ZNF618: variants seen among roughly 807,000 people sequenced by gnomAD.
The protein encoded by ZNF618 is neural precursor cell expressed, developmentally down-regulated 10.
Under a neutral mutation model 103.0 loss-of-function variants are expected in ZNF618, and 34 were observed. The observed-to-expected ratio is 0.33, with a 90% CI of 0.25 to 0.44. The LOEUF is 0.44. ZNF618 is among the 20% of genes least tolerant of loss of function. The probability of loss-of-function intolerance (pLI) is 1.00; values close to 1 mark genes in which losing one functional copy is unlikely to be tolerated. For missense variants in ZNF618, 1,059 were observed against 1,295.4 expected, an observed-to-expected ratio of 0.82 and a Z score of 2.80; for synonymous variants, 551 against 542.2, an observed-to-expected ratio of 1.02 and a Z score of -0.23.
intron 13 of ZNF618, among the ~76,000 whole-genome samples, chr9:114,041,559 T>C (rs900523041): frequency 7.9e-5 from 12 of 152,244 alleles, no homozygotes; most frequent in Admixed American, 5.9e-4. Context: ...CTAGCCAGTT[T>C]TCCCAGCACC....
intron 1 of ZNF618, among the ~76,000 whole-genome samples, chr9:113,885,638 G>A (rs1006873106): frequency 6.6e-6 from 1 of 152,188 alleles, no homozygotes; most frequent in Non-Finnish European, 1.5e-5. Context: ...GCCCTGGAAG[G>A]CCTTGGGGTC....
rs958500994 is a variant in ZNF618 at position 113,948,411 on chromosome 9, C to T, written c.34-20706C>T. Among the ~76,000 whole-genome samples, 12 of 152,344 alleles carry T rather than the reference C, an allele frequency of 7.9e-5. No individual in the cohort carries two copies. The East Asian group carries it at 2.3e-3, about 29-fold the overall frequency. ...TCTTCTCTGGAAATCCAGATCCTCA[C>T]ACTTTTCTGTGGAATATATCAGGGC... On this transcript the variant is annotated intron_variant, in intron 1 of 14. Coordinates refer to ENST00000374126, the MANE Select transcript of ZNF618 (RefSeq NM_001318042.2).
chr9:113,888,403 G>A (rs921635726), intron 1 of ZNF618, among the ~76,000 whole-genome samples: 11 of 152,362 alleles, frequency 7.2e-5, no homozygotes, highest in South Asian at 2.1e-4. Flanking sequence ...GCAGACCAGC[G>A]GGTTTTGTGT....
chr9:113,998,509 A>G (rs1020929490), intron 4 of ZNF618, among the ~76,000 whole-genome samples, 155 bp downstream of exon 4: 2 of 152,186 alleles, frequency 1.3e-5, no homozygotes, highest in Admixed American at 1.3e-4. Flanking sequence ...TCCTGGCTAC[A>G]TGTGAGCAAA....
intron 2 of ZNF618, among the ~76,000 whole-genome samples, chr9:113,985,282 C>T (rs1588237393): frequency 6.6e-6 from 1 of 152,212 alleles, no homozygotes; most frequent in Non-Finnish European, 1.5e-5. Flanking sequence ...TGGCCCATTT[C>T]ACTCCAGCCA....
At chr9:113,893,991 A>C (rs182782845) in intron 1 of ZNF618, among the ~76,000 whole-genome samples, 53 of 152,330 alleles carry the variant, frequency 3.5e-4, no homozygotes, top group Non-Finnish European at 1.3e-4. Flanking sequence ...GTTTATGTTC[A>C]ATGAGGAGAA....
At chr9:113,995,278 C>G (rs1435468709) in intron 3 of ZNF618, among the ~76,000 whole-genome samples, 1 of 145,402 alleles carries the variant, frequency 6.9e-6, no homozygotes, top group Non-Finnish European at 1.5e-5. Context: ...TCATAAAGCT[C>G]TACATTCTCC....
rs774866704 is a variant in ZNF618 at position 114,049,396 on chromosome 9, G to A, written c.2094G>A (p.Thr698=). The change falls in exon 15 of 15, where the codon ACG becomes ACA. Residue 698 remains threonine (T), a synonymous_variant. Transcript: ENST00000374126. ...CACCACCCTGCTGGAACTCGGTGAC[G>A]GACTCACTGTTGCTGGTGCATGAGC... ...TSPPPCWNSV[T]DSLLLVHERY... The A allele has an allele frequency of 1.1e-4, 173 of 1,603,520 alleles. 1 individual carries two copies. The highest frequency in any genetic ancestry group is 8.3e-4 in the East Asian group (37 of 44,316).
At chr9:113,929,498 C>T (rs899757684) in intron 1 of ZNF618, among the ~76,000 whole-genome samples, 3 of 152,168 alleles carry the variant, frequency 2.0e-5, no homozygotes, top group Non-Finnish European at 4.4e-5. Context: ...AAGTCCTCAC[C>T]TGGTAGGTGT....
At chr9:113,983,421 T>G (rs2133180771) in intron 2 of ZNF618, among the ~76,000 whole-genome samples, 1 of 152,302 alleles carries the variant, frequency 6.6e-6, no homozygotes, top group South Asian at 2.1e-4. Flanking sequence ...AAGTTGCCCA[T>G]GCCTTTGTCG....
At chr9:113,999,860 C>G (rs1301240112) in intron 4 of ZNF618, among the ~76,000 whole-genome samples, 1 of 152,142 alleles carries the variant, frequency 6.6e-6, no homozygotes, top group Non-Finnish European at 1.5e-5. Flanking sequence ...TGCAGGCACT[C>G]GTAAATTCTT....
At chr9:113,963,201 G>A (rs10817542) in intron 1 of ZNF618, among the ~76,000 whole-genome samples, 27,084 of 152,192 alleles carry the variant, frequency 0.18, 3,056 homozygotes, top group South Asian at 0.32. Context: ...TCTTGCAAGC[G>A]CAGTGCCCCC....
chr9:113,956,790 C>A (rs1836345169), intron 1 of ZNF618, among the ~76,000 whole-genome samples: 1 of 152,096 alleles, frequency 6.6e-6, no homozygotes, highest in African/African-American at 2.4e-5. Flanking sequence ...TTAAGACTTG[C>A]CCAAATTTTA....
At chr9:113,935,826 G>A (rs1256302370) in intron 1 of ZNF618, among the ~76,000 whole-genome samples, 1 of 152,182 alleles carries the variant, frequency 6.6e-6, no homozygotes, top group Non-Finnish European at 1.5e-5. Flanking sequence ...TCACATGCCT[G>A]CTTACTTGCT....
At chr9:113,903,381 T>C (rs1296300144) in intron 1 of ZNF618, among the ~76,000 whole-genome samples, 2 of 152,210 alleles carry the variant, frequency 1.3e-5, no homozygotes, top group Non-Finnish European at 2.9e-5. Flanking sequence ...CAGATACAAC[T>C]GGGAGCCATT....
At chr9:114,037,575 C>T (rs1024520148) in intron 13 of ZNF618, among the ~76,000 whole-genome samples, 7 of 152,152 alleles carry the variant, frequency 4.6e-5, no homozygotes, top group African/African-American at 7.2e-5. Context: ...ATGGGTGAGA[C>T]GTGCCTGACA....
In ZNF618 at chr9:114,013,491, C is replaced by T. The variant is rs188282306; in HGVS notation, c.755-3204C>T. 9.5e-3 allele frequency among the ~76,000 whole-genome samples: 1,442 copies of T among 152,224 alleles called. 14 individuals are homozygous for T. Among genetic ancestry groups the T allele is most frequent in the Non-Finnish European group, 0.015 (1,044 of 68,010 alleles). Reference sequence around the variant, plus strand: ...TGTCGCCCAGGCTGGAGTGCAGTGGCGCAGTCTCGGCTCACTGCAAGCTCC... The same window carrying T: ...TGTCGCCCAGGCTGGAGTGCAGTGGTGCAGTCTCGGCTCACTGCAAGCTCC... On this transcript the variant is annotated intron_variant, in intron 9 of 14. Transcript: ENST00000374126.
intron 1 of ZNF618, among the ~76,000 whole-genome samples, chr9:113,923,501 A>G (rs1224915735): frequency 6.6e-6 from 1 of 152,056 alleles, no homozygotes; most frequent in African/African-American, 2.4e-5. Flanking sequence ...TTTATTATGA[A>G]TGAGTGTCAA....
chr9:113,974,791 T>C (rs866011468), intron 2 of ZNF618, among the ~76,000 whole-genome samples: 29 of 152,236 alleles, frequency 1.9e-4, no homozygotes, highest in Middle Eastern at 3.4e-3. Context: ...TCTCCAGCCC[T>C]GCTAAGGGCC....
Sources: gnomAD v4.1 joint callset for allele counts (sites outside exome capture counted in the v4.1 genomes callset) on GRCh38, gnomAD v4.1.1 for gene constraint, MANE v1.5 for transcripts, NCBI Gene and HGNC (gene_info 2026-07-23, HGNC 2026-07-21) for gene names.